OMA1: variants seen among roughly 807,000 people sequenced by gnomAD.
OMA1 encodes the protein metalloendopeptidase OMA1, mitochondrial.
A neutral mutation model predicts 30.9 loss-of-function variants in OMA1; 38 were observed. The observed-to-expected ratio is 1.23, with a 90% CI of 0.95 to 1.61. OMA1 has a LOEUF of 1.61. Ranked by LOEUF, OMA1 falls within the 40% of genes most tolerant of loss-of-function variation. OMA1 has a pLI of 0.00. For synonymous variants in OMA1, 173 were observed against 121.9 expected (o/e 1.42, Z -2.76); for missense variants, 461 against 349.2 (o/e 1.32, Z -2.55).
chr1:58,526,229 G>A (rs1345280255), intron 7 of OMA1, among the ~76,000 whole-genome samples: 2 of 151,982 alleles, frequency 1.3e-5, no homozygotes, highest in South Asian at 2.1e-4. Context: ...CTTAGTGCAC[G>A]CAGTCTGATA....
In OMA1 at chr1:58,527,244, A is replaced by G. The variant is rs1203195039; in HGVS notation, c.1215+17T>C. Reference sequence around the variant, plus strand: ...CTGGGAAGGGCATTATGTATTCTCAACTACTAAACACTTTACCTTTGCAGC... The same window carrying G: ...CTGGGAAGGGCATTATGTATTCTCAGCTACTAAACACTTTACCTTTGCAGC... On this transcript the variant is annotated intron_variant, in intron 7 of 8. Coordinates refer to ENST00000371226, the MANE Select transcript of OMA1 (RefSeq NM_145243.5). 1 of 871,652 alleles carries G rather than the reference A, an allele frequency of 1.1e-6. No homozygotes were observed. Among genetic ancestry groups the G allele is most frequent in the South Asian group, 1.3e-5 (1 of 76,486 alleles). 54.0% of individuals were successfully genotyped at this position (871,652 alleles called of 1,614,324 possible). A position where few individuals can be genotyped will look rare whatever the true frequency, so the allele number is the denominator to read the frequency against.
chr1:58,505,543 C>T (rs1645974502), intron 8 of OMA1, among the ~76,000 whole-genome samples: 1 of 151,986 alleles, frequency 6.6e-6, no homozygotes, highest in Admixed American at 6.6e-5. Flanking sequence ...GAAAGAAAAG[C>T]CAGAGAGCAA....
At chr1:58,536,011 C>A (rs1422200506) in intron 3 of OMA1, among the ~76,000 whole-genome samples, 2 of 152,022 alleles carry the variant, frequency 1.3e-5, no homozygotes, top group African/African-American at 4.8e-5. Flanking sequence ...AAGATCCCTG[C>A]CCCCATGAAG....
intron 7 of OMA1, among the ~76,000 whole-genome samples, chr1:58,518,037 T>C (rs1646184718): frequency 6.6e-6 from 1 of 150,676 alleles, no homozygotes; most frequent in African/African-American, 2.4e-5. Context: ...AAATACAAAA[T>C]TAGCTAGGCA....
At chr1:58,507,565 C>T (rs568033113) in intron 7 of OMA1, among the ~76,000 whole-genome samples, 5 of 151,910 alleles carry the variant, frequency 3.3e-5, no homozygotes, top group African/African-American at 1.2e-4. Context: ...CACTACTGCA[C>T]AGATATGGAT....
intron 7 of OMA1, among the ~76,000 whole-genome samples, chr1:58,509,429 G>C (rs939278929): frequency 1.3e-5 from 2 of 148,250 alleles, no homozygotes; most frequent in Non-Finnish European, 3.0e-5. Context: ...AAACCAAAAA[G>C]AAAATGATTT....
intron 8 of OMA1, among the ~76,000 whole-genome samples, chr1:58,482,766 C>A (rs1037920307): frequency 6.6e-6 from 1 of 152,046 alleles, no homozygotes; most frequent in African/African-American, 2.4e-5. Flanking sequence ...GAGGGAGCTG[C>A]GAGTACAAGG....
At chr1:58,529,829 A>G (rs1346816100) in intron 6 of OMA1, among the ~76,000 whole-genome samples, 4 of 152,222 alleles carry the variant, frequency 2.6e-5, no homozygotes, top group Non-Finnish European at 5.9e-5. Flanking sequence ...GAGATGATTT[A>G]AAGTATATGA....
chr1:58,503,403 A>G (rs1381825893), intron 8 of OMA1, among the ~76,000 whole-genome samples: 1 of 152,202 alleles, frequency 6.6e-6, no homozygotes, highest in Non-Finnish European at 1.5e-5. Flanking sequence ...ACTACATATT[A>G]TATCAGGTAA....
At chr1:58,520,750 C>A (rs1646249079) in intron 7 of OMA1, among the ~76,000 whole-genome samples, 1 of 152,074 alleles carries the variant, frequency 6.6e-6, no homozygotes, top group Non-Finnish European at 1.5e-5. Flanking sequence ...GACCAATCCA[C>A]TAGGAAAATC....
intron 7 of OMA1, among the ~76,000 whole-genome samples, chr1:58,508,891 G>C (rs934829938): frequency 6.7e-5 from 10 of 149,102 alleles, no homozygotes; most frequent in Non-Finnish European, 3.0e-5. Flanking sequence ...ACATTTCTGA[G>C]GGCTGTCCAA....
chr1:58,534,703 G>T (rs1326296821), intron 3 of OMA1, among the ~76,000 whole-genome samples: 2 of 152,250 alleles, frequency 1.3e-5, no homozygotes, highest in African/African-American at 4.8e-5. Context: ...GGGAGGCCAA[G>T]GCAGGAGGAT....
intron 8 of OMA1, among the ~76,000 whole-genome samples, chr1:58,483,896 G>C (rs1253284845): frequency 2.6e-5 from 4 of 152,146 alleles, no homozygotes; most frequent in Non-Finnish European, 4.4e-5. Context: ...TGCTATATCA[G>C]TGTAGTGCCT....
At chr1:58,520,454 T>C (rs968107471) in intron 7 of OMA1, among the ~76,000 whole-genome samples, 1 of 152,072 alleles carries the variant, frequency 6.6e-6, no homozygotes, top group Non-Finnish European at 1.5e-5. Context: ...GAAGTGCCAA[T>C]AGACACATAA....
intron 8 of OMA1, among the ~76,000 whole-genome samples, chr1:58,491,602 AGGG>A (rs1434273756): frequency 6.6e-6 from 1 of 152,132 alleles, no homozygotes; most frequent in Non-Finnish European, 1.5e-5. Flanking sequence ...AAAAAAAGGC[AGGG>A]GTTGCAATCC....
Position 58,539,317 on chromosome 1 carries a change from C to CAA in OMA1, c.-16-9_-16-8dup. 2.9e-5 allele frequency: 18 copies of CAA among 628,600 alleles called. No homozygotes were observed. The highest frequency in any genetic ancestry group is 4.1e-5 in the Non-Finnish European group (15 of 368,446). 38.9% of individuals were successfully genotyped at this position (628,600 alleles called of 1,614,324 possible). A position where few individuals can be genotyped will look rare whatever the true frequency, so the allele number is the denominator to read the frequency against. The stretch of plus-strand genomic sequence containing the variant: ...CATTTTTTCACTTGACTACCTGAAA[C>CAA]AAAAAAAAAACTATAAATATCTGTG... On this transcript the variant is annotated splice_region_variant and splice_polypyrimidine_tract_variant and intron_variant, in intron 1 of 8. Transcript: ENST00000371226.
chr1:58,485,437 T>C (rs530705353), intron 8 of OMA1, among the ~76,000 whole-genome samples: 4 of 152,098 alleles, frequency 2.6e-5, no homozygotes, highest in African/African-American at 9.6e-5. Flanking sequence ...AGAAACACTA[T>C]ATGTTCTTCA....
chr1:58,492,999 T>G (rs1238966376), intron 8 of OMA1, among the ~76,000 whole-genome samples: 2 of 152,040 alleles, frequency 1.3e-5, no homozygotes, highest in African/African-American at 4.8e-5. Context: ...CTGATGAACA[T>G]CAATGCAAAA....
At chr1:58,519,072 C>T (rs1386540200) in intron 7 of OMA1, among the ~76,000 whole-genome samples, 1 of 152,090 alleles carries the variant, frequency 6.6e-6, no homozygotes, top group Non-Finnish European at 1.5e-5. Flanking sequence ...ATTGATTACC[C>T]CACACTGCAG....
Sources: gnomAD v4.1 joint callset for allele counts (sites outside exome capture counted in the v4.1 genomes callset) on GRCh38, gnomAD v4.1.1 for gene constraint, MANE v1.5 for transcripts, NCBI Gene and HGNC (gene_info 2026-07-23, HGNC 2026-07-21) for gene names.